Variants in AKAP6 observed in about 807,000 individuals in gnomAD.
The protein encoded by AKAP6 is A-kinase anchoring protein 6.
In AKAP6, 58 loss-of-function variants were observed where a neutral mutation model predicts 188.5. That is an observed-to-expected ratio of 0.31 (90% confidence interval 0.25 to 0.38). The LOEUF (loss-of-function observed/expected upper bound fraction) is 0.38. Ranked by LOEUF, AKAP6 falls within the 10% of genes least tolerant of loss-of-function variation. The pLI is 1.00. For synonymous variants in AKAP6, 989 were observed against 998.6 expected (o/e 0.99, Z 0.18); for missense variants, 2,710 against 2,740.0 (o/e 0.99, Z 0.24).
At chr14:32,348,360 A>G (rs961380133) in intron 1 of AKAP6, among the ~76,000 whole-genome samples, 3 of 151,644 alleles carry the variant, frequency 2.0e-5, no homozygotes, top group African/African-American at 7.3e-5. Flanking sequence ...AAGAATGTGG[A>G]TACTGAAGAA....
chr14:32,576,358 CAT>C (rs961478144), intron 4 of AKAP6, among the ~76,000 whole-genome samples: 3 of 152,108 alleles, frequency 2.0e-5, no homozygotes, highest in Non-Finnish European at 4.4e-5. Context: ...GTTGGGCTTT[CAT>C]ATTTTCAAAA....
intron 12 of AKAP6, among the ~76,000 whole-genome samples, chr14:32,794,468 G>A (rs1028617942): frequency 3.9e-5 from 6 of 152,150 alleles, no homozygotes; most frequent in Non-Finnish European, 7.4e-5. Context: ...GCTGAGGCAC[G>A]AGAATCTCTT....
chr14:32,775,385 A>C (rs578068661), intron 12 of AKAP6, among the ~76,000 whole-genome samples: 1 of 151,346 alleles, frequency 6.6e-6, no homozygotes, highest in African/African-American at 2.4e-5. Context: ...TCGTATGATC[A>C]GGGGTTCTAG....
intron 7 of AKAP6, among the ~76,000 whole-genome samples, chr14:32,660,802 A>G (rs1219503216): frequency 6.6e-6 from 1 of 152,050 alleles, no homozygotes; most frequent in Middle Eastern, 3.4e-3. Flanking sequence ...GAAGTGGAGT[A>G]TTTAACAACT....
Position 32,822,670 on chromosome 14 carries a change from C to T in AKAP6, c.4857C>T (p.Ser1619=), listed in dbSNP as rs41285500. 1.1e-4 allele frequency: 170 copies of T among 1,613,844 alleles called. No homozygotes were observed. The highest frequency in any genetic ancestry group is 1.6e-4 in the Middle Eastern group (1 of 6,084). ...LFSCHSSGDI[S]VSSGSVGELS... The stretch of plus-strand genomic sequence containing the variant: ...GCTGTCACAGCTCTGGGGATATAAG[C>T]GTGAGCAGTGGCTCAGTTGGTGAAC... The change falls in exon 13 of 14, where the codon AGC becomes AGT. Residue 1619 remains serine (S), a synonymous_variant. Transcript: ENST00000280979.
chr14:32,338,219 T>C (rs1886778807), intron 1 of AKAP6, among the ~76,000 whole-genome samples: 1 of 152,160 alleles, frequency 6.6e-6, no homozygotes, highest in African/African-American at 2.4e-5. Context: ...TTATTATCTT[T>C]GGTATGATGT....
intron 9 of AKAP6, among the ~76,000 whole-genome samples, chr14:32,700,386 T>C (rs1346026276): frequency 6.6e-6 from 1 of 152,170 alleles, no homozygotes; most frequent in Admixed American, 6.5e-5. Context: ...ATTATTGTTA[T>C]AATTAAACAA....
At chr14:32,800,626 TAATA>T (rs1236461329) in intron 12 of AKAP6, among the ~76,000 whole-genome samples, 1 of 152,264 alleles carries the variant, frequency 6.6e-6, no homozygotes, top group East Asian at 1.9e-4. Context: ...TTCCTGAAAT[TAATA>T]TAAACACTCT....
chr14:32,596,253 A>G (rs1885699415), intron 5 of AKAP6, among the ~76,000 whole-genome samples: 1 of 152,202 alleles, frequency 6.6e-6, no homozygotes, highest in Non-Finnish European at 1.5e-5. Flanking sequence ...TTATGTCCAC[A>G]TGACTATCCA....
At chr14:32,571,393 G>T (rs1884480683) in intron 4 of AKAP6, among the ~76,000 whole-genome samples, 1 of 152,082 alleles carries the variant, frequency 6.6e-6, no homozygotes, top group South Asian at 2.1e-4. Context: ...ATCTGGGTGT[G>T]ATGGTGTGCA....
At chr14:32,479,042 A>G (rs1204606915) in intron 2 of AKAP6, among the ~76,000 whole-genome samples, 2 of 152,184 alleles carry the variant, frequency 1.3e-5, no homozygotes, top group African/African-American at 4.8e-5. Flanking sequence ...CTGAAAAGGA[A>G]TTCCATTGAC....
chr14:32,754,439 A>G (rs1214855706), intron 11 of AKAP6, among the ~76,000 whole-genome samples: 1 of 152,148 alleles, frequency 6.6e-6, no homozygotes, highest in Non-Finnish European at 1.5e-5. Context: ...CATATCTTAC[A>G]TATGTAATGT....
chr14:32,545,458 A>C lies in AKAP6; in HGVS notation c.805A>C (p.Ile269Leu), dbSNP rs1012230308. 2 of 1,614,214 alleles carry C rather than the reference A, an allele frequency of 1.2e-6. No homozygotes were observed. The highest frequency in any genetic ancestry group is 2.7e-5 in the African/African-American group (2 of 75,058). Reference protein sequence around the residue: ...SEMEKEFPELIRSVGLLTVAA... With the variant: ...SEMEKEFPELLRSVGLLTVAA... ...GATGGAAAAGGAGTTTCCTGAGCTT[A>C]TCCGAAGTGTTGGTTTACTTACGGT... Residue 269 changes from isoleucine to leucine, a missense_variant, in exon 4 of 14, where the codon ATC (isoleucine) becomes CTC (leucine). Ile to Leu is a conservative substitution (Grantham distance 5). This residue lies in a region of AKAP6 where 2,473 missense variants were observed against 2,426.1 expected (regional missense o/e 1.02). Coordinates refer to ENST00000280979, the MANE Select transcript of AKAP6 (RefSeq NM_004274.5).
intron 2 of AKAP6, among the ~76,000 whole-genome samples, chr14:32,498,188 A>G (rs1036899020): frequency 3.9e-5 from 6 of 152,106 alleles, no homozygotes; most frequent in Non-Finnish European, 7.4e-5. Context: ...ACATAATGCA[A>G]GATTTTCATA....
intron 2 of AKAP6, among the ~76,000 whole-genome samples, chr14:32,502,347 A>T (rs923275556): frequency 6.6e-6 from 1 of 152,124 alleles, no homozygotes; most frequent in Admixed American, 6.6e-5. Context: ...ACTGATTATA[A>T]CACAAGTGTC....
Position 32,833,978 on chromosome 14 carries a change from G to A in AKAP6, c.*4173G>A, listed in dbSNP as rs1447202182. 6.6e-6 allele frequency: 1 copy of A among 152,070 alleles called. No homozygotes were observed. The highest frequency in any genetic ancestry group is 1.9e-4 in the East Asian group (1 of 5,194). 9.4% of individuals were successfully genotyped at this position (152,070 alleles called of 1,614,324 possible). A position where few individuals can be genotyped will look rare whatever the true frequency, so the allele number is the denominator to read the frequency against. On this transcript the variant is annotated 3_prime_UTR_variant, in exon 14 of 14. Coordinates refer to ENST00000280979, the MANE Select transcript of AKAP6 (RefSeq NM_004274.5). ...TGTATACACACACACTTTTTTGTAT[G>A]ATTAAATCATTTGAAATTAAATTGT...
chr14:32,829,960 T>G lies in AKAP6; in HGVS notation c.*155T>G, dbSNP rs1302570483. 1.4e-6 allele frequency: 1 copy of G among 702,710 alleles called. No individual in the cohort carries two copies. The highest frequency in any genetic ancestry group is 2.0e-5 in the Admixed American group (1 of 49,992). 43.5% of individuals were successfully genotyped at this position (702,710 alleles called of 1,614,324 possible). On this transcript the variant is annotated 3_prime_UTR_variant, in exon 14 of 14. Transcript: ENST00000280979. Reference sequence around the variant, plus strand: ...ACATTGACTTCTCCCAAGATGAATCTTCCTTCCAAATGTGTTTTCTCCACA... The same window carrying G: ...ACATTGACTTCTCCCAAGATGAATCGTCCTTCCAAATGTGTTTTCTCCACA...
intron 1 of AKAP6, among the ~76,000 whole-genome samples, chr14:32,398,983 G>A (rs1888988310): frequency 6.6e-6 from 1 of 150,536 alleles, no homozygotes; most frequent in South Asian, 2.1e-4. Flanking sequence ...AGCCTCCCAA[G>A]TAGCTGGGAC....
intron 2 of AKAP6, among the ~76,000 whole-genome samples, chr14:32,447,029 G>A (rs1386553609): frequency 6.6e-6 from 1 of 151,940 alleles, no homozygotes; most frequent in Non-Finnish European, 1.5e-5. Context: ...CTCATGTTAT[G>A]ACCCCAGCTA....
Sources: gnomAD v4.1 joint callset for allele counts (sites outside exome capture counted in the v4.1 genomes callset) on GRCh38, gnomAD v4.1.1 for gene constraint, gnomAD v4.1.1 regional missense constraint, MANE v1.5 for transcripts, NCBI Gene and HGNC (gene_info 2026-07-23, HGNC 2026-07-21) for gene names.